Variants in ZSWIM9 observed in about 807,000 individuals in gnomAD.
The protein encoded by ZSWIM9 is uncharacterized protein ZSWIM9.
In ZSWIM9, 11 loss-of-function variants were observed where a neutral mutation model predicts 25.0. The observed-to-expected ratio is 0.44, with a 90% CI of 0.28 to 0.73. The LOEUF is 0.73. ZSWIM9 is among the 30% of genes least tolerant of loss of function. The pLI, the probability that ZSWIM9 is intolerant of heterozygous loss-of-function variation, is 0.16. For missense variants in ZSWIM9, 1,070 were observed against 1,296.5 expected, an observed-to-expected ratio of 0.83 and a Z score of 2.68; for synonymous variants, 562 against 582.1, an observed-to-expected ratio of 0.97 and a Z score of 0.50.
rs1347353243 is a variant in ZSWIM9 at position 48,171,788 on chromosome 19, A to G, written c.-9-6A>G. On this transcript the variant is annotated splice_polypyrimidine_tract_variant and splice_region_variant and intron_variant, in intron 1 of 3. Transcript: ENST00000614654. ...ATATCCACCTGTTCTCCCCTCCTCC[A>G]CGCAGGCCCCCAGGATGGAGCGGCC... The G allele has an allele frequency of 5.4e-5, 82 of 1,526,810 alleles. No individual in the cohort carries two copies. The highest frequency in any genetic ancestry group is 6.9e-5 in the Non-Finnish European group (79 of 1,142,624). 94.6% of individuals were successfully genotyped at this position (1,526,810 alleles called of 1,614,324 possible). A position where few individuals can be genotyped will look rare whatever the true frequency, so the allele number is the denominator to read the frequency against.
chr19:48,178,795 C>T (rs911916076), intron 2 of ZSWIM9, among the ~76,000 whole-genome samples: 1 of 152,050 alleles, frequency 6.6e-6, no homozygotes, highest in African/African-American at 2.4e-5. Flanking sequence ...AGACTGGTCT[C>T]GAACTCTTGA....
chr19:48,191,529 A>AT (rs1027562671), intron 3 of ZSWIM9, among the ~76,000 whole-genome samples: 31 of 151,972 alleles, frequency 2.0e-4, no homozygotes, highest in African/African-American at 7.0e-4. Context: ...TATTCCTTCA[A>AT]TTTTTTCTTT....
intron 3 of ZSWIM9, chr19:48,190,599 A>G (rs1048297119): frequency 6.5e-6 from 1 of 154,834 alleles, no homozygotes; most frequent in African/African-American, 2.4e-5. Flanking sequence ...GACACTGCTT[A>G]CCTGCAAGGG....
chr19:48,195,171 C>T lies in ZSWIM9; in HGVS notation c.1107C>T (p.Gly369=), dbSNP rs2123456988. The T allele has an allele frequency of 6.6e-7, 1 of 1,521,676 alleles. No homozygotes were observed. Among genetic ancestry groups the T allele is most frequent in the Non-Finnish European group, 8.8e-7 (1 of 1,139,008 alleles). The allele number at this position is 1,521,676 out of a possible 1,614,324, so 94.3% of individuals were successfully genotyped here. A position where few individuals can be genotyped will look rare whatever the true frequency, so the allele number is the denominator to read the frequency against. Residue 369 remains glycine (G), a synonymous_variant, in exon 4 of 4, where the codon GGC becomes GGT. Coordinates refer to ENST00000614654, the MANE Select transcript of ZSWIM9 (RefSeq NM_199341.4). This position sits in a 1 kb window ranked among gnomAD's most constrained non-coding sequence, Gnocchi z 5.8. ...CGCTGGCCGAGCTCCACGCCCACGG[C>T]CCAGCCGCCTTCGTGGACTACTTCG... ...DEALAELHAH[G]PAAFVDYFER...
rs1429350627 is a variant in ZSWIM9, at chr19:48,195,099, C to A, written c.1035C>A (p.Arg345=). Residue 345 remains arginine, a synonymous_variant, in exon 4 of 4, where the codon CGC becomes CGA. Transcript: ENST00000614654. This position sits in a 1 kb window ranked among gnomAD's most constrained non-coding sequence, Gnocchi z 5.8. The part of the protein sequence containing the change: ...AGREDPGLWS[R]LCRLAGASSP... Reference sequence around the variant, plus strand: ...GCGAGGACCCGGGCCTGTGGTCGCGCCTGTGCCGCCTGGCTGGCGCGTCGT... The same window carrying A: ...GCGAGGACCCGGGCCTGTGGTCGCGACTGTGCCGCCTGGCTGGCGCGTCGT... 6.9e-7 allele frequency: 1 copy of A among 1,453,556 alleles called. No homozygotes were observed. Among genetic ancestry groups the A allele is most frequent in the Admixed American group, 2.4e-5 (1 of 41,042 alleles). 90.0% of individuals were successfully genotyped at this position (1,453,556 alleles called of 1,614,324 possible).
chr19:48,174,495 A>T (rs1028432792), intron 2 of ZSWIM9, among the ~76,000 whole-genome samples: 2 of 152,146 alleles, frequency 1.3e-5, no homozygotes, highest in Non-Finnish European at 2.9e-5. Flanking sequence ...CTGTTGAGTG[A>T]GTGACTTCAC....
At chr19:48,187,560 TA>T (rs1191811136) in intron 3 of ZSWIM9, 1 of 22,248 alleles carries the variant, frequency 4.5e-5, no homozygotes, top group African/African-American at 1.1e-4. Flanking sequence ...ATATATATTA[TA>T]TATAATATTA....
Position 48,196,402 on chromosome 19 carries a change from G to C in ZSWIM9, c.2338G>C (p.Glu780Gln). Residue 780 changes from glutamate (E) to glutamine (Q), a missense_variant, in exon 4 of 4, where the codon GAA (glutamate) becomes CAA (glutamine). Glu to Gln is a conservative substitution (Grantham distance 29, BLOSUM62 2). Transcript: ENST00000614654. ...GGGGACTGTATTGGAAGGCAGCCCAGAATGGGCAGCGGCGAGGAGTGAACA... is the reference window on the plus strand; with the variant it reads ...GGGGACTGTATTGGAAGGCAGCCCACAATGGGCAGCGGCGAGGAGTGAACA... ...PVGTVLEGSP[E>Q]WAAARSEHLA... 8.1e-7 allele frequency: 1 copy of C among 1,232,444 alleles called. No individual in the cohort carries two copies. The allele number at this position is 1,232,444 out of a possible 1,614,324, so 76.3% of individuals were successfully genotyped here.
In ZSWIM9 at chr19:48,191,269, A is replaced by G. The variant is rs930349124; in HGVS notation, c.589-3384A>G. On this transcript the variant is annotated intron_variant, in intron 3 of 3. Transcript: ENST00000614654. ...GCCCAGGCTGGAGTACAGTGGCACA[A>G]TCTCGGCTCACTGCAGCCTCCGCCT... Among the ~76,000 whole-genome samples, 3 of 152,222 alleles carry G rather than the reference A, an allele frequency of 2.0e-5. No individual in the cohort carries two copies. The East Asian group carries it at 5.8e-4, about 29-fold the overall frequency.
Position 48,196,379 on chromosome 19 carries a change from G to C in ZSWIM9, c.2315G>C (p.Gly772Ala). 8.1e-7 allele frequency: 1 copy of C among 1,232,574 alleles called. No individual in the cohort carries two copies. The highest frequency in any genetic ancestry group is 1.0e-6 in the Non-Finnish European group (1 of 988,364). The allele number at this position is 1,232,574 out of a possible 1,614,324, so 76.4% of individuals were successfully genotyped here. ...GNGVVSGTPV[G>A]TVLEGSPEWA... ...GGAGTCGTGTCTGGCACCCCGGTGGGGACTGTATTGGAAGGCAGCCCAGAA... is the reference window on the plus strand; with the variant it reads ...GGAGTCGTGTCTGGCACCCCGGTGGCGACTGTATTGGAAGGCAGCCCAGAA... Residue 772 changes from glycine (G) to alanine (A), a missense_variant, in exon 4 of 4, where the codon GGG (glycine) becomes GCG (alanine). Gly to Ala is a moderately conservative substitution (Grantham distance 60, BLOSUM62 0). This residue lies in a region of ZSWIM9 where 583 missense variants were observed against 624.7 expected (regional missense o/e 0.93). Coordinates refer to ENST00000614654, the MANE Select transcript of ZSWIM9 (RefSeq NM_199341.4).
At chr19:48,173,528 A>G (rs1018818003) in intron 2 of ZSWIM9, among the ~76,000 whole-genome samples, 8 of 151,976 alleles carry the variant, frequency 5.3e-5, no homozygotes, top group African/African-American at 1.9e-4. Context: ...CGAACTCCTG[A>G]CCTCAAGGAG....
chr19:48,192,466 A>ATGTATGTAT (rs1480286362), intron 3 of ZSWIM9, among the ~76,000 whole-genome samples: 1 of 22,808 alleles, frequency 4.4e-5, no homozygotes, highest in Non-Finnish European at 1.0e-4. Context: ...AAAAAAAAAA[A>ATGTATGTAT]AAAAAAAAAA....
At chr19:48,192,519 A>C (rs2037110649) in intron 3 of ZSWIM9, among the ~76,000 whole-genome samples, 1 of 120,456 alleles carries the variant, frequency 8.3e-6, no homozygotes, top group Non-Finnish European at 1.7e-5. Context: ...ACACACACAC[A>C]TTTACATAGC....
intron 3 of ZSWIM9, among the ~76,000 whole-genome samples, chr19:48,187,470 TTA>T (rs1373615344): frequency 0.011 from 947 of 86,690 alleles, 25 homozygotes; most frequent in African/African-American, 0.042. Flanking sequence ...ATTATATATA[TTA>T]TATATATTAT....
At position 48,196,752 on chromosome 19, in the gene ZSWIM9, G is replaced by A. The variant is rs966690429; in HGVS notation, c.2688G>A (p.Ala896=). Residue 896 remains alanine, a synonymous_variant, in exon 4 of 4, where the codon GCG becomes GCA. Coordinates refer to ENST00000614654, the MANE Select transcript of ZSWIM9 (RefSeq NM_199341.4). ...TGCCCTGCAGACACCTCTTTGCAGC[G>A]CGCCTCCTCACTGGGGCTGCCTTAT... ...RRLPCRHLFA[A]RLLTGAALFH... The A allele has an allele frequency of 2.4e-6, 3 of 1,233,400 alleles. No individual in the cohort carries two copies. The highest frequency in any genetic ancestry group is 3.0e-6 in the Non-Finnish European group (3 of 988,938). The allele number at this position is 1,233,400 out of a possible 1,614,324, so 76.4% of individuals were successfully genotyped here. A position where few individuals can be genotyped will look rare whatever the true frequency, so the allele number is the denominator to read the frequency against.
In ZSWIM9 at chr19:48,171,874, C is replaced by G. The variant is rs930981296; in HGVS notation, c.72C>G (p.Phe24Leu). The G allele has an allele frequency of 1.3e-6, 2 of 1,535,538 alleles. No individual in the cohort carries two copies. Among genetic ancestry groups the G allele is most frequent in the African/African-American group, 1.4e-5 (1 of 73,034 alleles). Residue 24 changes from phenylalanine (F) to leucine (L), a missense_variant, in exon 2 of 4, where the codon TTC becomes TTG. By Grantham distance (22) the Phe-to-Leu change is conservative. Around this residue, in one of 4 missense-constraint regions of ZSWIM9, gnomAD observed 265 missense variants for 339.0 expected, o/e 0.78. Transcript: ENST00000614654. Reference protein sequence around the residue: ...QEEQELRERAFFSWAEFSRFF... With the variant: ...QEEQELRERALFSWAEFSRFF... Reference sequence around the variant, plus strand: ...AGCAGGAGCTGCGGGAGCGGGCCTTCTTCTCGTGGGCCGAGTTCAGCCGCT... The same window carrying G: ...AGCAGGAGCTGCGGGAGCGGGCCTTGTTCTCGTGGGCCGAGTTCAGCCGCT...
intron 3 of ZSWIM9, among the ~76,000 whole-genome samples, chr19:48,184,062 G>A (rs2036984633): frequency 6.6e-6 from 1 of 151,856 alleles, no homozygotes; most frequent in Non-Finnish European, 1.5e-5. Context: ...CATGCAGATG[G>A]AGAATTAGGA....
Position 48,195,135 on chromosome 19 carries a change from C to T in ZSWIM9, c.1071C>T (p.Ala357=), listed in dbSNP as rs1284165191. Residue 357 remains alanine (A), a synonymous_variant, in exon 4 of 4, where the codon GCC becomes GCT. Transcript: ENST00000614654. This position sits in a 1 kb window ranked among gnomAD's most constrained non-coding sequence, Gnocchi z 5.8. ...CRLAGASSPA[A]YDEALAELHA... ...TGGCTGGCGCGTCGTCGCCCGCAGC[C>T]TACGACGAGGCGCTGGCCGAGCTCC... is the stretch of plus-strand genomic sequence containing the variant. 2.0e-6 allele frequency: 3 copies of T among 1,504,020 alleles called. No individual in the cohort carries two copies. The highest frequency in any genetic ancestry group is 2.7e-6 in the Non-Finnish European group (3 of 1,130,828). 93.2% of individuals were successfully genotyped at this position (1,504,020 alleles called of 1,614,324 possible). A position where few individuals can be genotyped will look rare whatever the true frequency, so the allele number is the denominator to read the frequency against.
chr19:48,191,344 A>C (rs1272803965), intron 3 of ZSWIM9, among the ~76,000 whole-genome samples: 1 of 152,070 alleles, frequency 6.6e-6, no homozygotes, highest in Non-Finnish European at 1.5e-5. Context: ...AGCTGAGATT[A>C]CAGGCGCGCA....
Sources: allele counts gnomAD v4.1 joint callset (sites outside exome capture counted in the v4.1 genomes callset), GRCh38; gene constraint gnomAD v4.1.1; regional missense constraint gnomAD v4.1.1; non-coding constraint Gnocchi (gnomAD v3.1); transcripts MANE v1.5; gene names NCBI Gene and HGNC (gene_info 2026-07-23, HGNC 2026-07-21).